The following KIF5C variants were observed in gnomAD, a reference collection of about 807,000 sequenced individuals.
KIF5C encodes kinesin family member 5C.
KIF5C carries 18 observed loss-of-function variants against 125.2 expected under a neutral mutation model. The observed-to-expected ratio is 0.14, with a 90% confidence interval of 0.10 to 0.21. The LOEUF (loss-of-function observed/expected upper bound fraction) is 0.21, where lower values mean the gene tolerates loss of function less well. Ranked by LOEUF, KIF5C falls within the 10% of genes least tolerant of loss-of-function variation. The probability of loss-of-function intolerance (pLI) is 1.00; values close to 1 mark genes in which losing one functional copy is unlikely to be tolerated. For synonymous variants in KIF5C, 405 were observed against 434.0 expected, an observed-to-expected ratio of 0.93 and a Z score of 0.83; for missense variants, 780 against 1,183.8, an observed-to-expected ratio of 0.66 and a Z score of 5.01.
At chr2:148,973,210 A>G in intron 11 of KIF5C, 126 bp from the exon 12 acceptor site, 1 of 1,329,342 alleles carries the variant, frequency 7.5e-7, no homozygotes, top group Non-Finnish European at 9.9e-7. Flanking sequence ...AACTCTACCC[A>G]CACTACAGCC....
chr2:148,948,365 A>G (rs1682575190), intron 8 of KIF5C, among the ~76,000 whole-genome samples: 1 of 152,022 alleles, frequency 6.6e-6, no homozygotes, highest in Non-Finnish European at 1.5e-5. Context: ...TCAAAAAAAA[A>G]AAAAAAAATT....
intron 1 of KIF5C, chr2:148,879,789 C>T (rs1210998378): frequency 6.6e-6 from 1 of 152,140 alleles, no homozygotes; most frequent in Non-Finnish European, 1.5e-5. Context: ...ACTTCACTTT[C>T]CTCTTATTGG....
At chr2:148,947,192 T>C in intron 8 of KIF5C, 169 bp downstream of exon 8, 2 of 1,119,420 alleles carry the variant, frequency 1.8e-6, no homozygotes, top group Non-Finnish European at 2.4e-6. Context: ...TGCTTTCTTT[T>C]CTGGTCCTGA....
Position 149,009,029 on chromosome 2 carries a change from G to A in KIF5C, c.2550+962G>A, listed in dbSNP as rs140986191. Among the ~76,000 whole-genome samples, 859 of 137,746 alleles carry A rather than the reference G, an allele frequency of 6.2e-3. 4 individuals are homozygous for A. The highest frequency in any genetic ancestry group is 0.023 in the African/African-American group (818 of 36,276). 90.4% of individuals were successfully genotyped at this position (137,746 alleles called of 152,430 possible). A position where few individuals can be genotyped will look rare whatever the true frequency, so the allele number is the denominator to read the frequency against. On this transcript the variant is annotated intron_variant, in intron 23 of 25. Coordinates refer to ENST00000435030, the MANE Select transcript of KIF5C (RefSeq NM_004522.3). ...TTTTGAGGCAGAGTCTTGCTCTGTC[G>A]CCCAGGCTGGAGTGCAGTGGTGCGA...
At chr2:149,011,454 G>A (rs13388632) in intron 24 of KIF5C, 116 bp from the exon 25 acceptor site, 2 of 1,403,014 alleles carry the variant, frequency 1.4e-6, no homozygotes, top group Non-Finnish European at 1.9e-6. Context: ...GATAAGAATT[G>A]TACTGTTGGT....
At chr2:148,903,566 G>A (rs770213940) in intron 1 of KIF5C, among the ~76,000 whole-genome samples, 5 of 152,196 alleles carry the variant, frequency 3.3e-5, no homozygotes, top group African/African-American at 4.8e-5. Context: ...GTGGCTCACT[G>A]TCTGAAGCAG....
chr2:149,011,612 C>G lies in KIF5C; in HGVS notation c.2810C>G (p.Thr937Arg), dbSNP rs765950375. 1 of 1,614,080 alleles carries G rather than the reference C, an allele frequency of 6.2e-7. No individual in the cohort carries two copies. Among genetic ancestry groups the G allele is most frequent in the South Asian group, 1.1e-5 (1 of 91,092 alleles). The change falls in exon 25 of 26, where the codon ACG becomes AGG. Residue 937 changes from threonine to arginine, a missense_variant. Coordinates refer to ENST00000435030, the MANE Select transcript of KIF5C (RefSeq NM_004522.3). Reference protein sequence around the residue: ...RPGHYPASSPTAVHAIRGGGG... With the variant: ...RPGHYPASSPRAVHAIRGGGG... The stretch of plus-strand genomic sequence containing the variant: ...GGACACTACCCGGCCTCATCTCCAA[C>G]GGCCGTCCATGCCATTCGAGGGGGA...
At position 149,023,541 on chromosome 2, in the gene KIF5C, G is replaced by T. The variant is rs1341002003; in HGVS notation, c.*471G>T. 2 of 152,572 alleles carry T rather than the reference G, an allele frequency of 1.3e-5. No individual in the cohort carries two copies. Among genetic ancestry groups the T allele is most frequent in the African/African-American group, 4.8e-5 (2 of 41,418 alleles). 9.5% of individuals were successfully genotyped at this position (152,572 alleles called of 1,614,324 possible). A position where few individuals can be genotyped will look rare whatever the true frequency, so the allele number is the denominator to read the frequency against. ...AGGGAACAAAAAGTGCTGCTATAGG[G>T]TTCAAAGTTTTCCTTCTGAACACTT... On this transcript the variant is annotated 3_prime_UTR_variant, in exon 26 of 26. Coordinates refer to ENST00000435030, the MANE Select transcript of KIF5C (RefSeq NM_004522.3).
intron 1 of KIF5C, chr2:148,877,784 CTT>C (rs1428754097): frequency 1.5e-4 from 22 of 148,166 alleles, no homozygotes; most frequent in African/African-American, 5.4e-4. Flanking sequence ...TCCTCTTCTT[CTT>C]CCAGAACCAA....
In KIF5C at chr2:148,876,938, C is replaced by G. The variant is rs1476659329; in HGVS notation, c.126+1195C>G. 1.3e-5 allele frequency among the ~76,000 whole-genome samples: 2 copies of G among 152,210 alleles called. No individual in the cohort carries two copies. The highest frequency in any genetic ancestry group is 2.9e-5 in the Non-Finnish European group (2 of 68,038). ...TGTCATCCTGATCACTGAGCATGCT[C>G]CGACTAACCCCCTCCTCCCCTTCCT... On this transcript the variant is annotated intron_variant, in intron 1 of 25. Transcript: ENST00000435030. The surrounding 1 kb of genome is among the most constrained non-coding windows in gnomAD (Gnocchi z 4.7).
chr2:148,992,507 T>C (rs1681553768), intron 16 of KIF5C, among the ~76,000 whole-genome samples: 1 of 152,216 alleles, frequency 6.6e-6, no homozygotes, highest in South Asian at 2.1e-4. Flanking sequence ...TTTTGCATTA[T>C]AATAAAATAA....
intron 1 of KIF5C, among the ~76,000 whole-genome samples, chr2:148,889,288 AT>A (rs975176290): frequency 6.6e-6 from 1 of 152,180 alleles, no homozygotes; most frequent in Admixed American, 6.5e-5. Flanking sequence ...GTATCTTAGA[AT>A]TTTTTTCCCT....
chr2:149,011,898 C>A (rs1682219510), intron 25 of KIF5C, among the ~76,000 whole-genome samples: 1 of 152,170 alleles, frequency 6.6e-6, no homozygotes, highest in Non-Finnish European at 1.5e-5. Context: ...GCCCATGGGA[C>A]CTGGAGCCAG....
At chr2:148,918,911 T>G (rs1681669042) in intron 1 of KIF5C, among the ~76,000 whole-genome samples, 3 of 152,076 alleles carry the variant, frequency 2.0e-5, no homozygotes, top group Admixed American at 2.0e-4. Flanking sequence ...AATGGAGAAA[T>G]GATGGACTAA....
In KIF5C at chr2:148,948,190, T is replaced by TA. The variant is rs374887511; in HGVS notation, c.714+1184dup. On this transcript the variant is annotated intron_variant, in intron 8 of 25. Coordinates refer to ENST00000435030, the MANE Select transcript of KIF5C (RefSeq NM_004522.3). Reference sequence around the variant, plus strand: ...GTGAAACCGTGTCTCAACTAAAAATTAAAAAAAAAAAAAAAAATTAGCCAG... The same window carrying TA: ...GTGAAACCGTGTCTCAACTAAAAATTAAAAAAAAAAAAAAAAAATTAGCCAG... Among the ~76,000 whole-genome samples the TA allele has an allele frequency of 3.0e-3, 410 of 136,300 alleles. 1 individual carries two copies. Among genetic ancestry groups the TA allele is most frequent in the African/African-American group, 7.2e-3 (265 of 36,722 alleles). The allele number at this position is 136,300 out of a possible 152,430, so 89.4% of individuals were successfully genotyped here.
At chr2:149,007,127 C>T (rs757374990) in intron 22 of KIF5C, among the ~76,000 whole-genome samples, 1 of 152,194 alleles carries the variant, frequency 6.6e-6, no homozygotes, top group Non-Finnish European at 1.5e-5. Context: ...TGGGGCGTGG[C>T]AATCTAAGTC....
chr2:148,933,585 C>T (rs1682223004), intron 3 of KIF5C, among the ~76,000 whole-genome samples: 2 of 150,380 alleles, frequency 1.3e-5, no homozygotes, highest in African/African-American at 4.9e-5. Context: ...ATACCACACA[C>T]GTATACACAC....
rs561989940 is a variant in KIF5C at position 148,905,190 on chromosome 2, TA to T, written c.127-16940del. Reference sequence around the variant, plus strand: ...TATATTTAAGGAAAAATAAGTTAATTAAAAAAATATTAAATTAAAGGTAGAG... The same window carrying T: ...TATATTTAAGGAAAAATAAGTTAATTAAAAAATATTAAATTAAAGGTAGAG... On this transcript the variant is annotated intron_variant, in intron 1 of 25. Coordinates refer to ENST00000435030, the MANE Select transcript of KIF5C (RefSeq NM_004522.3). Among the ~76,000 whole-genome samples, 262 of 152,264 alleles carry T rather than the reference TA, an allele frequency of 1.7e-3. 1 individual carries two copies. The highest frequency in any genetic ancestry group is 3.0e-3 in the Non-Finnish European group (206 of 68,004).
chr2:149,000,600 A>G (rs1317722809), intron 20 of KIF5C, 76 bp downstream of exon 20: 7 of 1,567,276 alleles, frequency 4.5e-6, no homozygotes, highest in Middle Eastern at 3.4e-4. Context: ...TAATTTAAAA[A>G]CAGACAATGG....
Sources: allele counts gnomAD v4.1 joint callset (sites outside exome capture counted in the v4.1 genomes callset), GRCh38; gene constraint gnomAD v4.1.1; non-coding constraint Gnocchi (gnomAD v3.1); transcripts MANE v1.5; gene names NCBI Gene and HGNC (gene_info 2026-07-23, HGNC 2026-07-21).